The following RSRC1 variants were observed in gnomAD, a reference collection of about 807,000 sequenced individuals.
RSRC1 encodes the protein serine/Arginine-related protein 53.
RSRC1 carries 39 observed loss-of-function variants against 49.1 expected under a neutral mutation model. The ratio of observed to expected loss-of-function variants is 0.79; its 90% CI spans 0.61 to 1.04. RSRC1 has a LOEUF of 1.04. Ranked by LOEUF, RSRC1 falls within the 50% of genes least tolerant of loss-of-function variation. RSRC1 has a pLI of 0.00. For missense variants in RSRC1, 388 were observed against 402.4 expected, an observed-to-expected ratio of 0.96 and a Z score of 0.31; for synonymous variants, 143 against 130.8, an observed-to-expected ratio of 1.09 and a Z score of -0.63.
chr3:158,427,661 C>T (rs932023754), intron 6 of RSRC1, among the ~76,000 whole-genome samples: 3 of 151,716 alleles, frequency 2.0e-5, no homozygotes, highest in Non-Finnish European at 2.9e-5. Flanking sequence ...GAATTTTTTA[C>T]TGGCATTTCT....
chr3:158,205,886 TTCGAAGC>T (rs1353286199), intron 4 of RSRC1, among the ~76,000 whole-genome samples: 1 of 152,138 alleles, frequency 6.6e-6, no homozygotes, highest in African/African-American at 2.4e-5. Context: ...TTGGGCCACA[TTCGAAGC>T]TGTCCTGGGC....
intron 7 of RSRC1, among the ~76,000 whole-genome samples, chr3:158,477,798 T>TATATATATATATATATATA (rs1738432613): frequency 4.9e-4 from 44 of 89,768 alleles, no homozygotes; most frequent in African/African-American, 1.9e-3. Flanking sequence ...CGGGAGGGAT[T>TATATATATATATATATATA]TATATATATA....
chr3:158,169,477 G>T (rs1276670121), intron 3 of RSRC1, among the ~76,000 whole-genome samples: 1 of 152,068 alleles, frequency 6.6e-6, no homozygotes, highest in Non-Finnish European at 1.5e-5. Flanking sequence ...CTGTTGGAAT[G>T]CTGCAAACCC....
intron 3 of RSRC1, among the ~76,000 whole-genome samples, chr3:158,198,008 G>T (rs860422): frequency 0.011 from 1,638 of 151,912 alleles, 36 homozygotes; most frequent in African/African-American, 0.037. Context: ...CTATTAGGTC[G>T]GCTTGGTGCA....
At chr3:158,172,770 A>G (rs1718949793) in intron 3 of RSRC1, among the ~76,000 whole-genome samples, 2 of 152,188 alleles carry the variant, frequency 1.3e-5, no homozygotes, top group Non-Finnish European at 2.9e-5. Context: ...TTATTTAAAA[A>G]TTCATTGTTA....
In RSRC1 at chr3:158,505,004, G is replaced by A. The variant is rs188460464; in HGVS notation, c.653-32088G>A. Among the ~76,000 whole-genome samples, 5 of 152,244 alleles carry A rather than the reference G, an allele frequency of 3.3e-5. No homozygotes were observed. The East Asian group carries it at 7.7e-4, about 24-fold the overall frequency. ...ATTTGTCAAAGTTGTTAGTTCTTGT[G>A]TATTACTAACACAAATATTTATGGG... On this transcript the variant is annotated intron_variant, in intron 7 of 9. Coordinates refer to ENST00000611884, the MANE Select transcript of RSRC1 (RefSeq NM_001271838.2).
intron 1 of RSRC1, 150 bp downstream of exon 1, chr3:158,110,373 C>T (rs1182929577): frequency 6.6e-6 from 1 of 152,556 alleles, no homozygotes; most frequent in East Asian, 1.9e-4. Context: ...TGCGCAGTGT[C>T]ACCGTGCGCA....
intron 3 of RSRC1, among the ~76,000 whole-genome samples, chr3:158,152,204 T>A (rs1362038377): frequency 1.3e-5 from 2 of 152,268 alleles, no homozygotes; most frequent in East Asian, 3.9e-4. Context: ...TAATTGAACT[T>A]AGCTGAACTT....
chr3:158,422,869 G>A (rs1421705359), intron 6 of RSRC1, among the ~76,000 whole-genome samples: 1 of 151,650 alleles, frequency 6.6e-6, no homozygotes. Context: ...CTGCATAAAT[G>A]TCTTCTTTTG....
chr3:158,114,808 T>A (rs1714684143), intron 1 of RSRC1, among the ~76,000 whole-genome samples: 2 of 152,182 alleles, frequency 1.3e-5, no homozygotes, highest in Admixed American at 1.3e-4. Flanking sequence ...GCTTGTCTGT[T>A]GTTAGTGTAT....
chr3:158,340,935 G>C (rs138576032), intron 5 of RSRC1, among the ~76,000 whole-genome samples: 2,636 of 152,308 alleles, frequency 0.017, 48 homozygotes, highest in Admixed American at 0.076. Flanking sequence ...TGAGGAACTT[G>C]TTGGGAACTG....
At chr3:158,461,129 A>G (rs529121961) in intron 7 of RSRC1, 126 bp downstream of exon 7, 2 of 525,372 alleles carry the variant, frequency 3.8e-6, no homozygotes, top group Non-Finnish European at 6.8e-6. Context: ...AAACTATGAC[A>G]CAATAGCACA....
At chr3:158,502,309 C>G (rs1385426228) in intron 7 of RSRC1, among the ~76,000 whole-genome samples, 1 of 152,166 alleles carries the variant, frequency 6.6e-6, no homozygotes, top group African/African-American at 2.4e-5. Context: ...TTTCCTTCAT[C>G]TTAACTTTGG....
intron 4 of RSRC1, among the ~76,000 whole-genome samples, chr3:158,257,212 T>C (rs1724615875): frequency 6.6e-6 from 1 of 152,200 alleles, no homozygotes; most frequent in Admixed American, 6.5e-5. Context: ...GGGCATTTAG[T>C]ACTATAAATT....
At chr3:158,361,100 G>C (rs1412131211) in intron 6 of RSRC1, among the ~76,000 whole-genome samples, 3 of 152,110 alleles carry the variant, frequency 2.0e-5, no homozygotes, top group Admixed American at 6.5e-5. Context: ...GGCAGTTGGG[G>C]GTGCCTAGGG....
At chr3:158,465,277 C>A (rs1737827988) in intron 7 of RSRC1, among the ~76,000 whole-genome samples, 1 of 152,152 alleles carries the variant, frequency 6.6e-6, no homozygotes, top group Admixed American at 6.6e-5. Flanking sequence ...AGAGCCAAAC[C>A]TAAGCATCTA....
At chr3:158,297,108 TAATA>T (rs1005648568) in intron 4 of RSRC1, among the ~76,000 whole-genome samples, 1 of 152,068 alleles carries the variant, frequency 6.6e-6, no homozygotes, top group African/African-American at 2.4e-5. Flanking sequence ...GGATTTATAT[TAATA>T]ATTACTTTCT....
chr3:158,220,067 A>G (rs1202044179), intron 4 of RSRC1, among the ~76,000 whole-genome samples: 1 of 151,604 alleles, frequency 6.6e-6, no homozygotes, highest in Non-Finnish European at 1.5e-5. Context: ...AAGTCACTTA[A>G]TCTCTCCAAG....
intron 6 of RSRC1, among the ~76,000 whole-genome samples, chr3:158,355,839 A>T (rs753032352): frequency 1.1e-4 from 17 of 151,938 alleles, no homozygotes; most frequent in Non-Finnish European, 2.2e-4. Flanking sequence ...AACCATGGGT[A>T]GTACAAAACC....
Sources: allele counts gnomAD v4.1 joint callset (sites outside exome capture counted in the v4.1 genomes callset), GRCh38; gene constraint gnomAD v4.1.1; transcripts MANE v1.5; gene names NCBI Gene and HGNC (gene_info 2026-07-23, HGNC 2026-07-21).